Variants in ARHGEF28 observed in about 807,000 individuals in gnomAD.
The protein encoded by ARHGEF28 is 190 kDa guanine nucleotide exchange factor.
ARHGEF28 carries 152 observed loss-of-function variants against 206.6 expected under a neutral mutation model. That is an observed-to-expected ratio of 0.74 (90% CI 0.64 to 0.84). ARHGEF28 has a LOEUF of 0.84. Ranked by LOEUF, ARHGEF28 falls within the 40% of genes least tolerant of loss-of-function variation. The probability of loss-of-function intolerance (pLI) is 0.00; values close to 1 mark genes in which losing one functional copy is unlikely to be tolerated. For missense variants in ARHGEF28, 2,028 were observed against 2,073.2 expected (o/e 0.98, Z 0.42); for synonymous variants, 763 against 776.4 (o/e 0.98, Z 0.29).
chr5:73,893,125 A>G (rs1459661245), intron 27 of ARHGEF28, 72 bp from the exon 28 acceptor site: 34 of 1,253,468 alleles, frequency 2.7e-5, no homozygotes, highest in Non-Finnish European at 3.0e-5. Flanking sequence ...CCAAGTTCCC[A>G]TGTTTTTCTA....
At position 73,887,698 on chromosome 5, in the gene ARHGEF28, G is replaced by A; in HGVS notation, c.3387+19G>A. ...AGCCGTTGTAAGTATATGACTGTGT[G>A]ATGTATTTAAAAAATAGGTTTAACC... is the stretch of plus-strand genomic sequence containing the variant. On this transcript the variant is annotated intron_variant, in intron 26 of 35. Coordinates refer to ENST00000513042, the MANE Select transcript of ARHGEF28 (RefSeq NM_001177693.2). The A allele has an allele frequency of 6.6e-7, 1 of 1,524,156 alleles. No individual in the cohort carries two copies. Among genetic ancestry groups the A allele is most frequent in the Admixed American group, 2.3e-5 (1 of 44,200 alleles). The allele number at this position is 1,524,156 out of a possible 1,614,324, so 94.4% of individuals were successfully genotyped here.
rs1240291770 is a variant in ARHGEF28, at chr5:73,684,906, T to A, written c.33+22T>A. 1.9e-6 allele frequency: 3 copies of A among 1,610,602 alleles called. No individual in the cohort carries two copies. In the Admixed American group the frequency reaches 5.0e-5, roughly 27 times the overall value. ...TTACGTAAGTTGCTAAGCACGGGGC[T>A]TCAGGTCCAAGGGGCCCTTTCTTAA... On this transcript the variant is annotated intron_variant, in intron 2 of 35. Coordinates refer to ENST00000513042, the MANE Select transcript of ARHGEF28 (RefSeq NM_001177693.2).
chr5:73,932,047 A>C (rs1201757692), intron 35 of ARHGEF28, among the ~76,000 whole-genome samples: 1 of 152,176 alleles, frequency 6.6e-6, no homozygotes, highest in Non-Finnish European at 1.5e-5. Flanking sequence ...TAAAATGTAA[A>C]AGGTTAGTGT....
At chr5:73,658,292 C>A (rs1745356649) in intron 1 of ARHGEF28, among the ~76,000 whole-genome samples, 1 of 152,194 alleles carries the variant, frequency 6.6e-6, no homozygotes, top group African/African-American at 2.4e-5. Context: ...TCGCCCTGTG[C>A]TTCTTCTGAT....
At chr5:73,652,011 T>C (rs1182915134) in intron 1 of ARHGEF28, among the ~76,000 whole-genome samples, 1 of 152,218 alleles carries the variant, frequency 6.6e-6, no homozygotes, top group African/African-American at 2.4e-5. Context: ...CCGTTGGGCC[T>C]CAAGTGCAGA....
At chr5:73,871,812 T>C (rs184404086) in intron 21 of ARHGEF28, among the ~76,000 whole-genome samples, 1 of 152,360 alleles carries the variant, frequency 6.6e-6, no homozygotes, top group Admixed American at 6.5e-5. Context: ...TTTCTGTCTC[T>C]ACAGATTTGT....
At chr5:73,830,156 A>G (rs548336235) in intron 9 of ARHGEF28, among the ~76,000 whole-genome samples, 38 of 152,320 alleles carry the variant, frequency 2.5e-4, no homozygotes, top group Admixed American at 1.4e-3. Flanking sequence ...GCATGGTCCA[A>G]TGTGGGCTCA....
intron 2 of ARHGEF28, among the ~76,000 whole-genome samples, chr5:73,709,616 G>T (rs773503810): frequency 6.6e-6 from 1 of 152,084 alleles, no homozygotes; most frequent in Non-Finnish European, 1.5e-5. Context: ...TTTATCACAG[G>T]TTCACATGAT....
intron 35 of ARHGEF28, among the ~76,000 whole-genome samples, chr5:73,939,202 C>T (rs17635128): frequency 0.017 from 2,566 of 152,252 alleles, 88 homozygotes; most frequent in Admixed American, 0.074. Context: ...GCCTGAGCCT[C>T]GGTTTCCCAG....
At chr5:73,857,928 T>C in intron 15 of ARHGEF28, 149 bp downstream of exon 15, 1 of 1,376,728 alleles carries the variant, frequency 7.3e-7, no homozygotes, top group Non-Finnish European at 9.8e-7. Flanking sequence ...GCCCAGAATA[T>C]AACATTTAGG....
intron 1 of ARHGEF28, among the ~76,000 whole-genome samples, chr5:73,680,642 T>C (rs746637356): frequency 5.9e-5 from 9 of 151,864 alleles, no homozygotes; most frequent in Non-Finnish European, 1.2e-4. Flanking sequence ...AGACACCACC[T>C]GTTTCTCCAA....
At chr5:73,826,747 A>G (rs1756934915) in intron 9 of ARHGEF28, among the ~76,000 whole-genome samples, 1 of 152,102 alleles carries the variant, frequency 6.6e-6, no homozygotes, top group Admixed American at 6.6e-5. Context: ...ACTAGTTCCA[A>G]TTCCCCTTCT....
chr5:73,868,378 A>G (rs1165492210), intron 20 of ARHGEF28, among the ~76,000 whole-genome samples, 151 bp downstream of exon 20: 1 of 152,104 alleles, frequency 6.6e-6, no homozygotes, highest in Non-Finnish European at 1.5e-5. Flanking sequence ...TCTACTTTTT[A>G]AACGAATGAA....
intron 2 of ARHGEF28, among the ~76,000 whole-genome samples, chr5:73,727,607 C>T (rs762089797): frequency 4.6e-5 from 7 of 152,206 alleles, no homozygotes; most frequent in Non-Finnish European, 8.8e-5. Flanking sequence ...ATTCTCTCCA[C>T]TTGCTCTTGG....
chr5:73,931,429 T>G (rs1223096102), intron 35 of ARHGEF28, among the ~76,000 whole-genome samples: 1 of 152,196 alleles, frequency 6.6e-6, no homozygotes, highest in South Asian at 2.1e-4. Context: ...AAAAAATAAT[T>G]GCTTCTCTTC....
intron 1 of ARHGEF28, among the ~76,000 whole-genome samples, chr5:73,679,908 A>G (rs934480222): frequency 1.3e-5 from 2 of 152,172 alleles, no homozygotes; most frequent in African/African-American, 2.4e-5. Context: ...TAAATTGCAA[A>G]GATTTGACCA....
At chr5:73,851,628 C>T (rs896550959) in intron 13 of ARHGEF28, among the ~76,000 whole-genome samples, 5 of 152,076 alleles carry the variant, frequency 3.3e-5, no homozygotes, top group East Asian at 1.9e-4. Flanking sequence ...CTTTTGAAAA[C>T]GTTGTGAGCT....
At chr5:73,693,844 C>T (rs112904689) in intron 2 of ARHGEF28, among the ~76,000 whole-genome samples, 203 of 152,270 alleles carry the variant, frequency 1.3e-3, no homozygotes, top group African/African-American at 4.8e-3. Flanking sequence ...CTCTGAATGG[C>T]CTTGCTTTTA....
In ARHGEF28 at chr5:73,838,705, A is replaced by G. The variant is rs142936796; in HGVS notation, c.1147-1775A>G. Among the ~76,000 whole-genome samples the G allele has an allele frequency of 2.7e-3, 412 of 152,338 alleles. 4 individuals are homozygous for G. Among genetic ancestry groups the G allele is most frequent in the Middle Eastern group, 0.014 (4 of 294 alleles). ...TTTCTTAACCATGTAAGAATAAATG[A>G]AAAATATGGTGTTCCTTTACCTCTT... On this transcript the variant is annotated intron_variant, in intron 10 of 35. Transcript: ENST00000513042.
Sources: gnomAD v4.1 joint callset for allele counts (sites outside exome capture counted in the v4.1 genomes callset) on GRCh38, gnomAD v4.1.1 for gene constraint, MANE v1.5 for transcripts, NCBI Gene and HGNC (gene_info 2026-07-23, HGNC 2026-07-21) for gene names.